Variants in NTRK3 observed in about 807,000 individuals in gnomAD.
NTRK3 encodes neurotrophic receptor tyrosine kinase 3.
A neutral mutation model predicts 91.7 loss-of-function variants in NTRK3; 24 were observed. The observed-to-expected ratio is 0.26, with a 90% CI of 0.19 to 0.37. NTRK3 has a LOEUF of 0.37. Among genes scored for constraint, NTRK3 ranks in the 10% least tolerant of loss-of-function variants. The pLI, the probability that NTRK3 is intolerant of heterozygous loss-of-function variation, is 1.00. For missense variants in NTRK3, 880 were observed against 1,068.9 expected (o/e 0.82, Z 2.46); for synonymous variants, 483 against 404.0 (o/e 1.20, Z -2.34).
intron 14 of NTRK3, among the ~76,000 whole-genome samples, chr15:87,970,782 A>T (rs903208571): frequency 1.3e-5 from 2 of 152,204 alleles, no homozygotes; most frequent in Non-Finnish European, 2.9e-5. Context: ...CTTGATCCTT[A>T]CAACATCATT....
intron 13 of NTRK3, among the ~76,000 whole-genome samples, chr15:88,063,940 C>T (rs2046431479): frequency 6.6e-6 from 1 of 152,184 alleles, no homozygotes; most frequent in Admixed American, 6.5e-5. Flanking sequence ...CATATGTCCA[C>T]CTCAAACCTC....
chr15:88,041,824 TAAAA>T (rs35696268), intron 13 of NTRK3, among the ~76,000 whole-genome samples: 2 of 90,238 alleles, frequency 2.2e-5, no homozygotes, highest in East Asian at 8.1e-4. Flanking sequence ...AAGTCCCTCA[TAAAA>T]AAAAAAAAAA....
At chr15:87,953,491 A>G (rs2071353650) in intron 14 of NTRK3, among the ~76,000 whole-genome samples, 1 of 152,252 alleles carries the variant, frequency 6.6e-6, no homozygotes, top group African/African-American at 2.4e-5. Context: ...GGAAGATCCC[A>G]GACATTGGAG....
intron 5 of NTRK3, among the ~76,000 whole-genome samples, chr15:88,164,661 T>G (rs1254153288): frequency 6.6e-6 from 1 of 152,150 alleles, no homozygotes; most frequent in Non-Finnish European, 1.5e-5. Flanking sequence ...TCCTCTCTTC[T>G]GAGCTGCCCT....
At chr15:88,110,985 T>G (rs1194201354) in intron 13 of NTRK3, among the ~76,000 whole-genome samples, 2 of 151,954 alleles carry the variant, frequency 1.3e-5, no homozygotes, top group African/African-American at 4.8e-5. Context: ...GATATTTAGG[T>G]CACAAAGACA....
intron 14 of NTRK3, among the ~76,000 whole-genome samples, chr15:87,992,097 T>C (rs2075332635): frequency 6.6e-6 from 1 of 152,154 alleles, no homozygotes; most frequent in African/African-American, 2.4e-5. Context: ...ATTTTATGTA[T>C]TATTGTCCAA....
intron 14 of NTRK3, among the ~76,000 whole-genome samples, chr15:87,953,817 C>T (rs1025768148): frequency 6.6e-6 from 1 of 150,824 alleles, no homozygotes; most frequent in Non-Finnish European, 1.5e-5. Flanking sequence ...CATATGGTGA[C>T]ATCTACACAT....
chr15:88,137,640 G>T (rs985404321), intron 6 of NTRK3, 79 bp from the exon 7 acceptor site: 22 of 1,480,960 alleles, frequency 1.5e-5, no homozygotes, highest in Non-Finnish European at 2.0e-5. Context: ...GAGGACAAGG[G>T]GGACCCGACC....
chr15:88,128,921 C>T (rs2053557894), intron 10 of NTRK3, among the ~76,000 whole-genome samples, 187 bp from the exon 11 acceptor site: 1 of 152,130 alleles, frequency 6.6e-6, no homozygotes, highest in African/African-American at 2.4e-5. Context: ...AGGGGGTGGT[C>T]CTCCAAATGG....
chr15:88,020,995 C>A (rs1470449709), intron 14 of NTRK3, among the ~76,000 whole-genome samples: 1 of 152,194 alleles, frequency 6.6e-6, no homozygotes, highest in Non-Finnish European at 1.5e-5. Flanking sequence ...CCCTAAGATT[C>A]CATTCCTAAG....
chr15:88,065,413 C>A (rs1465737655), intron 13 of NTRK3, among the ~76,000 whole-genome samples: 1 of 152,190 alleles, frequency 6.6e-6, no homozygotes, highest in Non-Finnish European at 1.5e-5. Flanking sequence ...TGGTCCCTGT[C>A]CCCAAATCAG....
At chr15:87,957,533 G>T (rs984995771) in intron 14 of NTRK3, among the ~76,000 whole-genome samples, 1 of 152,160 alleles carries the variant, frequency 6.6e-6, no homozygotes, top group Non-Finnish European at 1.5e-5. Flanking sequence ...TGGTAGGATT[G>T]CATAAGATCC....
chr15:87,909,427 T>C (rs767709425), intron 17 of NTRK3, among the ~76,000 whole-genome samples: 7 of 152,142 alleles, frequency 4.6e-5, no homozygotes, highest in Admixed American at 2.0e-4. Flanking sequence ...TGGAATGACC[T>C]GGAGGAGAGG....
In NTRK3 at chr15:88,240,452, T is replaced by C. The variant is rs930517003; in HGVS notation, c.248+15454A>G. Among the ~76,000 whole-genome samples, 1 of 152,134 alleles carries C rather than the reference T, an allele frequency of 6.6e-6. No individual in the cohort carries two copies. Among genetic ancestry groups the C allele is most frequent in the Non-Finnish European group, 1.5e-5 (1 of 68,010 alleles). Reference sequence around the variant, plus strand: ...GAAACTCAAGGATCTCAAACTCCACTGAGTCCCAAGGGCCCCTTCTACCCC... The same window carrying C: ...GAAACTCAAGGATCTCAAACTCCACCGAGTCCCAAGGGCCCCTTCTACCCC... On this transcript the variant is annotated intron_variant, in intron 3 of 18. Coordinates refer to ENST00000394480, the Ensembl canonical transcript of NTRK3. This position sits in a 1 kb window ranked among gnomAD's most constrained non-coding sequence, Gnocchi z 4.9.
chr15:88,245,877 T>A (rs1423360655), intron 3 of NTRK3, among the ~76,000 whole-genome samples: 2 of 151,994 alleles, frequency 1.3e-5, no homozygotes, highest in African/African-American at 4.8e-5. Flanking sequence ...ATAATTAGGG[T>A]TGTATATGTA....
At chr15:88,106,953 A>AG in intron 13 of NTRK3, among the ~76,000 whole-genome samples, 1 of 151,858 alleles carries the variant, frequency 6.6e-6, no homozygotes, top group South Asian at 2.1e-4. Context: ...AAAAAAAAAA[A>AG]GTATGGGAAT....
chr15:88,256,661 G>C (rs191244278), exon 1 of NTRK3: 147 of 405,764 alleles, frequency 3.6e-4, no homozygotes, highest in African/African-American at 2.8e-3. Flanking sequence ...CCGAGGAAAG[G>C]AAGAGAAGGA....
intron 4 of NTRK3, 126 bp from the exon 5 acceptor site, chr15:88,183,615 C>G (rs1226960743): frequency 1.9e-5 from 17 of 883,700 alleles, no homozygotes; most frequent in Non-Finnish European, 3.2e-5. Context: ...ATCTACACCT[C>G]TTCATTGCCA....
At chr15:88,141,069 G>A (rs546674657) in intron 6 of NTRK3, among the ~76,000 whole-genome samples, 10 of 152,236 alleles carry the variant, frequency 6.6e-5, no homozygotes, top group Admixed American at 6.5e-4. Flanking sequence ...CAGAAAGGAA[G>A]AGAGGACACA....
Sources: allele counts gnomAD v4.1 joint callset (sites outside exome capture counted in the v4.1 genomes callset), GRCh38; gene constraint gnomAD v4.1.1; non-coding constraint Gnocchi (gnomAD v3.1); transcripts MANE v1.5; gene names NCBI Gene and HGNC (gene_info 2026-07-23, HGNC 2026-07-21).